LRRC4C: variants seen among roughly 807,000 people sequenced by gnomAD.
LRRC4C encodes the protein leucine-rich repeat-containing protein 4C.
In LRRC4C, 5 loss-of-function variants were observed where a neutral mutation model predicts 33.6. The observed-to-expected ratio is 0.15, with a 90% confidence interval of 0.08 to 0.31. LRRC4C has a LOEUF of 0.31. Ranked by LOEUF, LRRC4C falls within the 10% of genes least tolerant of loss-of-function variation. The probability of loss-of-function intolerance (pLI) is 1.00; values close to 1 mark genes in which losing one functional copy is unlikely to be tolerated. For missense variants in LRRC4C, 560 were observed against 796.7 expected, an observed-to-expected ratio of 0.70 and a Z score of 3.58; for synonymous variants, 329 against 302.0, an observed-to-expected ratio of 1.09 and a Z score of -0.93.
At chr11:41,043,353 C>G (rs1402960333) in intron 1 of LRRC4C, among the ~76,000 whole-genome samples, 2 of 152,016 alleles carry the variant, frequency 1.3e-5, no homozygotes, top group Non-Finnish European at 2.9e-5. Context: ...CTTCCTTGTC[C>G]TCTCAGATGC....
intron 1 of LRRC4C, among the ~76,000 whole-genome samples, chr11:41,320,167 A>G (rs1950916819): frequency 6.6e-6 from 1 of 152,216 alleles, no homozygotes; most frequent in African/African-American, 2.4e-5. Context: ...CTAATACTCT[A>G]AATAAAATAA....
intron 2 of LRRC4C, among the ~76,000 whole-genome samples, chr11:40,663,689 T>A (rs1943568596): frequency 6.6e-6 from 1 of 152,126 alleles, no homozygotes; most frequent in Non-Finnish European, 1.5e-5. Context: ...GCAGAGGGAA[T>A]CTCCATTCAA....
At chr11:41,165,327 C>T (rs1180558500) in intron 1 of LRRC4C, among the ~76,000 whole-genome samples, 1 of 152,050 alleles carries the variant, frequency 6.6e-6, no homozygotes, top group African/African-American at 2.4e-5. Flanking sequence ...ACCGAAATGT[C>T]ATTATGTGCT....
chr11:40,542,006 A>G (rs993898784), intron 3 of LRRC4C, among the ~76,000 whole-genome samples: 20 of 150,858 alleles, frequency 1.3e-4, no homozygotes, highest in African/African-American at 4.9e-4. Flanking sequence ...CATTGACCCT[A>G]TCTTTCTTCT....
chr11:40,173,955 CT>C (rs1449812394), intron 5 of LRRC4C, among the ~76,000 whole-genome samples: 1 of 152,108 alleles, frequency 6.6e-6, no homozygotes, highest in Non-Finnish European at 1.5e-5. Context: ...GCAGAGACCC[CT>C]AAAGTTCAGG....
At chr11:40,132,104 A>G (rs201390184) in intron 6 of LRRC4C, among the ~76,000 whole-genome samples, 14 of 152,360 alleles carry the variant, frequency 9.2e-5, no homozygotes, top group Admixed American at 9.1e-4. Flanking sequence ...GCTGCAAAAA[A>G]GTTTAAGTTC....
chr11:40,730,537 C>CAAT (rs34161864), intron 2 of LRRC4C, among the ~76,000 whole-genome samples: 17,663 of 151,976 alleles, frequency 0.12, 1,457 homozygotes, highest in East Asian at 0.43. Context: ...GACTTAAAGG[C>CAAT]AATAGATGAG....
intron 1 of LRRC4C, among the ~76,000 whole-genome samples, chr11:41,364,233 AT>A (rs1565614128): frequency 1.3e-5 from 2 of 152,216 alleles, no homozygotes; most frequent in Non-Finnish European, 2.9e-5. Context: ...CTAGAATTAA[AT>A]TTAGTTTAAA....
chr11:40,354,470 A>C (rs1013441613), intron 3 of LRRC4C, among the ~76,000 whole-genome samples: 1 of 152,128 alleles, frequency 6.6e-6, no homozygotes, highest in African/African-American at 2.4e-5. Context: ...GTTTTCTCGG[A>C]GCCAGGGCCT....
intron 1 of LRRC4C, among the ~76,000 whole-genome samples, chr11:40,956,465 C>A (rs1046102473): frequency 2.0e-5 from 3 of 151,758 alleles, no homozygotes; most frequent in African/African-American, 7.2e-5. Flanking sequence ...AGTACAAGAT[C>A]TGCTATGTAT....
chr11:40,779,904 T>C (rs1415036427), intron 2 of LRRC4C, among the ~76,000 whole-genome samples: 3 of 152,144 alleles, frequency 2.0e-5, no homozygotes, highest in African/African-American at 4.8e-5. Flanking sequence ...TAGAATAAGA[T>C]ATAAATGGTT....
chr11:41,255,858 C>T (rs1308246727), intron 1 of LRRC4C, among the ~76,000 whole-genome samples: 3 of 151,940 alleles, frequency 2.0e-5, no homozygotes, highest in African/African-American at 4.8e-5. Context: ...TAGATGTGCC[C>T]TTCTAGGAGT....
chr11:41,107,187 A>C (rs1941557417), intron 1 of LRRC4C, among the ~76,000 whole-genome samples: 1 of 152,016 alleles, frequency 6.6e-6, no homozygotes, highest in African/African-American at 2.4e-5. Flanking sequence ...TTGGTACTCA[A>C]AAAAGTTTTA....
chr11:41,370,052 A>C (rs1215834268), intron 1 of LRRC4C, among the ~76,000 whole-genome samples: 1 of 152,220 alleles, frequency 6.6e-6, no homozygotes, highest in African/African-American at 2.4e-5. Flanking sequence ...CTAAAACGGA[A>C]AAGCATTTCC....
intron 2 of LRRC4C, among the ~76,000 whole-genome samples, chr11:40,720,619 C>A (rs1195393149): frequency 6.6e-6 from 1 of 152,150 alleles, no homozygotes; most frequent in Non-Finnish European, 1.5e-5. Flanking sequence ...CTCGTCTTCA[C>A]CTTCCAGGTA....
At chr11:40,502,047 A>C (rs1954799881) in intron 3 of LRRC4C, among the ~76,000 whole-genome samples, 1 of 152,170 alleles carries the variant, frequency 6.6e-6, no homozygotes, top group African/African-American at 2.4e-5. Flanking sequence ...ACAAATCTCT[A>C]GTGCAGGGGC....
At chr11:41,156,248 C>G (rs575234963) in intron 1 of LRRC4C, among the ~76,000 whole-genome samples, 1 of 152,160 alleles carries the variant, frequency 6.6e-6, no homozygotes, top group South Asian at 2.1e-4. Flanking sequence ...CACAGTTACC[C>G]AAGGCAAACC....
chr11:40,208,670 A>C (rs1863342908), intron 5 of LRRC4C, among the ~76,000 whole-genome samples: 1 of 152,212 alleles, frequency 6.6e-6, no homozygotes, highest in Admixed American at 6.5e-5. Flanking sequence ...TGCTGCATAA[A>C]TATTAATACA....
chr11:41,277,365 A>G (rs892250738), intron 1 of LRRC4C, among the ~76,000 whole-genome samples: 1 of 152,106 alleles, frequency 6.6e-6, no homozygotes, highest in African/African-American at 2.4e-5. Context: ...ATCACCCCAA[A>G]TCTCACAGAC....
Sources: gnomAD v4.1 joint callset for allele counts (sites outside exome capture counted in the v4.1 genomes callset) on GRCh38, gnomAD v4.1.1 for gene constraint, MANE v1.5 for transcripts, NCBI Gene and HGNC (gene_info 2026-07-23, HGNC 2026-07-21) for gene names.